Variants in BCAS3 observed in about 807,000 individuals in gnomAD.
BCAS3 encodes the protein BCAS3 microtubule associated cell migration factor.
In BCAS3, 53 loss-of-function variants were observed where a neutral mutation model predicts 116.1. That is an observed-to-expected ratio of 0.46 (90% CI 0.37 to 0.57). BCAS3 has a LOEUF of 0.57. Among genes scored for constraint, BCAS3 ranks in the 20% least tolerant of loss-of-function variants. The probability of loss-of-function intolerance (pLI) is 0.00; values close to 1 mark genes in which losing one functional copy is unlikely to be tolerated. For missense variants in BCAS3, 917 were observed against 1,165.4 expected (o/e 0.79, Z 3.10); for synonymous variants, 391 against 408.2 (o/e 0.96, Z 0.51).
At chr17:60,699,952 T>C (rs1441109691) in intron 4 of BCAS3, among the ~76,000 whole-genome samples, 1 of 151,260 alleles carries the variant, frequency 6.6e-6, no homozygotes, top group African/African-American at 2.4e-5. Context: ...GGTGGAGGAC[T>C]GTTTGAGGTC....
chr17:60,822,300 T>G (rs1304846780), intron 7 of BCAS3, among the ~76,000 whole-genome samples: 1 of 152,240 alleles, frequency 6.6e-6, no homozygotes, highest in East Asian at 1.9e-4. Context: ...TTAATAAATA[T>G]GCAGTGGTGT....
intron 23 of BCAS3, among the ~76,000 whole-genome samples, chr17:61,374,325 C>T (rs949998749): frequency 6.6e-6 from 1 of 151,706 alleles, no homozygotes; most frequent in African/African-American, 2.4e-5. Flanking sequence ...CATATGCCAC[C>T]ACACTCGGCT....
chr17:61,295,834 A>G (rs919442894), intron 22 of BCAS3, among the ~76,000 whole-genome samples: 2 of 151,950 alleles, frequency 1.3e-5, no homozygotes, highest in African/African-American at 2.4e-5. Context: ...GCACATCTGT[A>G]ATCCCAGCTA....
Position 60,967,744 on chromosome 17 carries a change from A to C in BCAS3, c.1221+20392A>C, listed in dbSNP as rs1600084425. ...TTTTGTTCTTTGTCCTTCTCCCACC[A>C]CCCCCCACACCCCCAATTGTATTTT... is the stretch of plus-strand genomic sequence containing the variant. On this transcript the variant is annotated intron_variant, in intron 14 of 23. Coordinates refer to ENST00000407086, the MANE Select transcript of BCAS3 (RefSeq NM_017679.5). This position sits in a 1 kb window ranked among gnomAD's most constrained non-coding sequence, Gnocchi z 4.7. Among the ~76,000 whole-genome samples, 1 of 150,544 alleles carries C rather than the reference A, an allele frequency of 6.6e-6. No homozygotes were observed.
At chr17:61,058,723 G>C (rs2069652421) in intron 19 of BCAS3, among the ~76,000 whole-genome samples, 1 of 152,246 alleles carries the variant, frequency 6.6e-6, no homozygotes, top group Non-Finnish European at 1.5e-5. Flanking sequence ...TTTGATCACA[G>C]TATAGGTATC....
At chr17:60,946,190 A>G (rs145128839) in intron 13 of BCAS3, among the ~76,000 whole-genome samples, 1,653 of 152,322 alleles carry the variant, frequency 0.011, 9 homozygotes, top group Middle Eastern at 0.02. Flanking sequence ...ATGGAGAAAA[A>G]ACAGTGTCTT....
chr17:60,951,584 T>C (rs2060832824), intron 14 of BCAS3, among the ~76,000 whole-genome samples: 1 of 152,164 alleles, frequency 6.6e-6, no homozygotes, highest in East Asian at 1.9e-4. Context: ...TCTTTTTCAA[T>C]TATTATCCTA....
At chr17:61,269,322 T>C (rs1479035022) in intron 22 of BCAS3, among the ~76,000 whole-genome samples, 1 of 151,686 alleles carries the variant, frequency 6.6e-6, no homozygotes, top group East Asian at 1.9e-4. Context: ...TCCATGTTGG[T>C]CAGGCTGGTC....
intron 13 of BCAS3, among the ~76,000 whole-genome samples, chr17:60,946,348 A>G (rs1280239806): frequency 6.6e-6 from 1 of 152,176 alleles, no homozygotes; most frequent in African/African-American, 2.4e-5. Context: ...TAAATGTAAA[A>G]CATAAAATTA....
At chr17:61,273,769 C>T (rs539686013) in intron 22 of BCAS3, among the ~76,000 whole-genome samples, 1 of 149,990 alleles carries the variant, frequency 6.7e-6, no homozygotes, top group African/African-American at 2.4e-5. Flanking sequence ...TTTCTCTGTA[C>T]TACAGTTTAG....
At chr17:60,973,270 T>C (rs551952209) in intron 14 of BCAS3, among the ~76,000 whole-genome samples, 3 of 152,192 alleles carry the variant, frequency 2.0e-5, no homozygotes, top group African/African-American at 7.2e-5. Flanking sequence ...GATGTTAATT[T>C]CCTTTATCAG....
At chr17:60,911,350 G>A (rs1187561189) in intron 12 of BCAS3, among the ~76,000 whole-genome samples, 4 of 151,966 alleles carry the variant, frequency 2.6e-5, no homozygotes, top group Non-Finnish European at 4.4e-5. Flanking sequence ...CCAAGCTAGA[G>A]TGCAGTGGCA....
Position 61,313,498 on chromosome 17 carries a change from C to A in BCAS3, c.2426-54829C>A, listed in dbSNP as rs1346239826. On this transcript the variant is annotated intron_variant, in intron 22 of 23. Coordinates refer to ENST00000407086, the MANE Select transcript of BCAS3 (RefSeq NM_017679.5). This position sits in a 1 kb window ranked among gnomAD's most constrained non-coding sequence, Gnocchi z 4.3. ...AAGAGTAGAAAAGAATTGCTGATCT[C>A]AAGCATTTTGTTACCAGAATAACCC... 6.6e-6 allele frequency among the ~76,000 whole-genome samples: 1 copy of A among 152,236 alleles called. No individual in the cohort carries two copies. The highest frequency in any genetic ancestry group is 1.5e-5 in the Non-Finnish European group (1 of 68,044).
chr17:61,165,772 G>A (rs1182165829), intron 22 of BCAS3, among the ~76,000 whole-genome samples: 6 of 151,914 alleles, frequency 3.9e-5, no homozygotes, highest in Non-Finnish European at 7.4e-5. Context: ...TTTTTCAAAA[G>A]TTATTCTCTA....
intron 6 of BCAS3, among the ~76,000 whole-genome samples, chr17:60,785,161 C>T (rs1041464083): frequency 2.0e-5 from 3 of 151,798 alleles, no homozygotes; most frequent in South Asian, 2.1e-4. Context: ...TACTTTTTTT[C>T]TTAGTTTTTT....
Position 61,378,398 on chromosome 17 carries a change from T to C in BCAS3, c.2593+9904T>C, listed in dbSNP as rs933523386. 2 of 152,238 alleles carry C rather than the reference T, an allele frequency of 1.3e-5. No homozygotes were observed. Among genetic ancestry groups the C allele is most frequent in the Non-Finnish European group, 2.9e-5 (2 of 68,054 alleles). The allele number at this position is 152,238 out of a possible 1,614,324, so 9.4% of individuals were successfully genotyped here. A position where few individuals can be genotyped will look rare whatever the true frequency, so the allele number is the denominator to read the frequency against. On this transcript the variant is annotated intron_variant, in intron 23 of 23. Coordinates refer to ENST00000407086, the MANE Select transcript of BCAS3 (RefSeq NM_017679.5). This position sits in a 1 kb window ranked among gnomAD's most constrained non-coding sequence, Gnocchi z 5.8. ...TGTGCAACTCTCTCTGTCTCTGAAT[T>C]TCTGCACCACCGACTTGCTGGATAC...
At chr17:60,963,139 T>C (rs989579062) in intron 14 of BCAS3, among the ~76,000 whole-genome samples, 2 of 152,202 alleles carry the variant, frequency 1.3e-5, no homozygotes, top group African/African-American at 4.8e-5. Context: ...GGTTATTATA[T>C]ACCTGTAGTA....
At chr17:61,301,696 G>A (rs891673010) in intron 22 of BCAS3, among the ~76,000 whole-genome samples, 4 of 152,110 alleles carry the variant, frequency 2.6e-5, no homozygotes, top group Non-Finnish European at 5.9e-5. Flanking sequence ...ACTGTTTTCT[G>A]CCTACATTAT....
chr17:60,941,650 G>T lies in BCAS3; in HGVS notation c.1088-5569G>T, dbSNP rs377340550. On this transcript the variant is annotated intron_variant, in intron 13 of 23. Coordinates refer to ENST00000407086, the MANE Select transcript of BCAS3 (RefSeq NM_017679.5). ...GGGTGGAAAAAAGTGTTTGAGATAG[G>T]ATACAGAGAAGATAATAGGCATAAT... Among the ~76,000 whole-genome samples, 4 of 152,138 alleles carry T rather than the reference G, an allele frequency of 2.6e-5. No homozygotes were observed. In the East Asian group the frequency reaches 7.7e-4, roughly 29 times the overall value.
Sources: gnomAD v4.1 joint callset for allele counts (sites outside exome capture counted in the v4.1 genomes callset) on GRCh38, gnomAD v4.1.1 for gene constraint, Gnocchi (gnomAD v3.1) non-coding constraint, MANE v1.5 for transcripts, NCBI Gene and HGNC (gene_info 2026-07-23, HGNC 2026-07-21) for gene names.